EEIG2: variants seen among roughly 807,000 people sequenced by gnomAD.
EEIG2 encodes family with sequence similarity 102 member B.
chr1:108,628,531 G>A, the EEIG2 span: 3 of 1,614,052 alleles, frequency 1.9e-6, no homozygotes, highest in Admixed American at 1.7e-5. Context: ...AAATCGCTGA[G>A]CCAAATCTTG....
chr1:108,627,987 C>A, the EEIG2 span: 1 of 573,014 alleles, frequency 1.7e-6, no homozygotes, highest in Non-Finnish European at 3.2e-6. Context: ...TATTTAAATA[C>A]TTTGTATATC....
chr1:108,625,332 A>G, the EEIG2 span: 2 of 152,312 alleles, frequency 1.3e-5, no homozygotes, highest in Non-Finnish European at 2.9e-5. Flanking sequence ...AATCTGCTCC[A>G]GAAGTAAAAG....
At chr1:108,574,100 A>G in the EEIG2 span, among the ~76,000 whole-genome samples, 7 of 152,238 alleles carry the variant, frequency 4.6e-5, no homozygotes, top group Admixed American at 6.5e-5. Context: ...ACTGAAAGGT[A>G]GAAGAAAACT....
At chr1:108,635,269 T>C in the EEIG2 span, 1 of 1,334,540 alleles carries the variant, frequency 7.5e-7, no homozygotes, top group East Asian at 2.4e-5. Flanking sequence ...GGAAAGCCAA[T>C]GCTGGTTTCT....
the EEIG2 span, among the ~76,000 whole-genome samples, chr1:108,571,717 G>A: frequency 6.6e-5 from 10 of 152,082 alleles, no homozygotes; most frequent in East Asian, 1.9e-4. Flanking sequence ...ATGAGGTTGC[G>A]TTAGGTCCTG....
At chr1:108,576,565 C>G in the EEIG2 span, among the ~76,000 whole-genome samples, 11 of 138,302 alleles carry the variant, frequency 8.0e-5, no homozygotes, top group African/African-American at 2.7e-4. Context: ...TTTGTTCTTG[C>G]AATAGTTTAC....
chr1:108,632,946 ATTTT>A, the EEIG2 span, among the ~76,000 whole-genome samples: 2 of 132,212 alleles, frequency 1.5e-5, no homozygotes, highest in Non-Finnish European at 3.1e-5. Flanking sequence ...CATGCCCAGC[ATTTT>A]TTTTTTTTTT....
chr1:108,573,028 T>C, the EEIG2 span, among the ~76,000 whole-genome samples: 1 of 152,350 alleles, frequency 6.6e-6, no homozygotes, highest in Non-Finnish European at 1.5e-5. Context: ...GCTTCCAAGT[T>C]TTGGCAATTA....
At chr1:108,569,754 AT>A in the EEIG2 span, among the ~76,000 whole-genome samples, 2 of 152,170 alleles carry the variant, frequency 1.3e-5, no homozygotes, top group Non-Finnish European at 2.9e-5. Flanking sequence ...TCAGCCAATT[AT>A]GTGTGCATTT....
chr1:108,571,570 A>AT, the EEIG2 span, among the ~76,000 whole-genome samples: 2 of 152,124 alleles, frequency 1.3e-5, no homozygotes, highest in South Asian at 2.1e-4. Flanking sequence ...TTCATCTTAG[A>AT]TTTTTCCTAC....
chr1:108,587,179 A>T, the EEIG2 span, among the ~76,000 whole-genome samples: 1 of 152,110 alleles, frequency 6.6e-6, no homozygotes, highest in Non-Finnish European at 1.5e-5. Context: ...GAAGTTATTT[A>T]TTCCCTGTGT....
the EEIG2 span, chr1:108,629,580 T>C: frequency 6.3e-7 from 1 of 1,596,964 alleles, no homozygotes; most frequent in Non-Finnish European, 8.6e-7. Context: ...TTTAAATGTG[T>C]ATTGCAGAAG....
At chr1:108,583,526 A>C in the EEIG2 span, among the ~76,000 whole-genome samples, 5 of 152,070 alleles carry the variant, frequency 3.3e-5, no homozygotes, top group Non-Finnish European at 7.4e-5. Flanking sequence ...TATTTCAATA[A>C]TACTATGCAT....
the EEIG2 span, among the ~76,000 whole-genome samples, chr1:108,597,253 C>T: frequency 6.6e-6 from 1 of 152,098 alleles, no homozygotes; most frequent in South Asian, 2.1e-4. Flanking sequence ...GGTTGGATTC[C>T]CCAGAGAATA....
chr1:108,607,547 G>A, the EEIG2 span, among the ~76,000 whole-genome samples: 1 of 152,188 alleles, frequency 6.6e-6, no homozygotes, highest in East Asian at 1.9e-4. Context: ...TTTGTGGCTG[G>A]GCGTGGTGGC....
At chr1:108,610,734 T>A in the EEIG2 span, among the ~76,000 whole-genome samples, 21 of 152,070 alleles carry the variant, frequency 1.4e-4, no homozygotes, top group Admixed American at 9.2e-4. Flanking sequence ...ATCGAGACCA[T>A]CCTGGCCAAC....
At chr1:108,612,218 C>T in the EEIG2 span, 1 of 1,613,398 alleles carries the variant, frequency 6.2e-7, no homozygotes. Context: ...TTTGCTGGAT[C>T]AGGAAATACC....
chr1:108,631,110 A>G, the EEIG2 span: 6 of 399,994 alleles, frequency 1.5e-5, no homozygotes, highest in African/African-American at 4.2e-5. Flanking sequence ...ATGTAACACT[A>G]TTTAGATCTT....
the EEIG2 span, among the ~76,000 whole-genome samples, chr1:108,576,172 A>G: frequency 1.3e-5 from 2 of 152,180 alleles, no homozygotes; most frequent in Non-Finnish European, 2.9e-5. Context: ...TTAAAAAAGC[A>G]TTTTCTGACA....
Sources: allele counts gnomAD v4.1 joint callset (sites outside exome capture counted in the v4.1 genomes callset), GRCh38; gene constraint gnomAD v4.1.1; transcripts MANE v1.5; gene names NCBI Gene and HGNC (gene_info 2026-07-23, HGNC 2026-07-21).